L3MBTL4: variants seen among roughly 807,000 people sequenced by gnomAD.
L3MBTL4 encodes L3MBTL histone methyl-lysine binding protein 4.
L3MBTL4 carries 70 observed loss-of-function variants against 84.5 expected under a neutral mutation model. The ratio of observed to expected loss-of-function variants is 0.83; its 90% CI spans 0.68 to 1.01. The LOEUF (loss-of-function observed/expected upper bound fraction) is 1.01. Ranked by LOEUF, L3MBTL4 falls within the 50% of genes least tolerant of loss-of-function variation. The probability of loss-of-function intolerance (pLI) is 0.00; values close to 1 mark genes in which losing one functional copy is unlikely to be tolerated. For synonymous variants in L3MBTL4, 274 were observed against 259.8 expected (o/e 1.05, Z -0.52); for missense variants, 715 against 754.8 (o/e 0.95, Z 0.62).
intron 16 of L3MBTL4, among the ~76,000 whole-genome samples, chr18:6,004,428 T>C (rs1400922684): frequency 6.6e-6 from 1 of 152,216 alleles, no homozygotes; most frequent in Non-Finnish European, 1.5e-5. Flanking sequence ...ACTGCTTCAC[T>C]GGTGAATTTT....
At chr18:6,209,726 A>T (rs1353736774) in intron 12 of L3MBTL4, among the ~76,000 whole-genome samples, 1 of 152,236 alleles carries the variant, frequency 6.6e-6, no homozygotes, top group Non-Finnish European at 1.5e-5. Flanking sequence ...AAAATAGCCC[A>T]AAATAAACAA....
Position 6,322,905 on chromosome 18 carries a change from G to C in L3MBTL4, c.-90-10849C>G, listed in dbSNP as rs140507921. Among the ~76,000 whole-genome samples, 606 of 152,296 alleles carry C rather than the reference G, an allele frequency of 4.0e-3. 8 individuals are homozygous for C. Among genetic ancestry groups the C allele is most frequent in the African/African-American group, 0.013 (559 of 41,570 alleles). ...ATCTCATGTTGAATTGTAATCCTCA[G>C]TGTTGGAGGTGGGGCCTTGTGGGAG... is the stretch of plus-strand genomic sequence containing the variant. On this transcript the variant is annotated intron_variant, in intron 1 of 18. Transcript: ENST00000317931.
chr18:6,169,060 C>CA lies in L3MBTL4; in HGVS notation c.1096+2767dup, dbSNP rs200244619. Among the ~76,000 whole-genome samples the CA allele has an allele frequency of 3.3e-4, 50 of 152,130 alleles. 1 individual carries two copies. The East Asian group carries it at 9.5e-3, about 29-fold the overall frequency. On this transcript the variant is annotated intron_variant, in intron 13 of 18. Coordinates refer to ENST00000317931, the MANE Select transcript of L3MBTL4 (RefSeq NM_001330559.2). The stretch of plus-strand genomic sequence containing the variant: ...TCTCAAAAGAAGACATTTATGCAGC[C>CA]AAAAAACACATGAAAAACTGCTTAT...
At chr18:6,229,079 G>A (rs1307295621) in intron 10 of L3MBTL4, among the ~76,000 whole-genome samples, 1 of 152,110 alleles carries the variant, frequency 6.6e-6, no homozygotes, top group Non-Finnish European at 1.5e-5. Context: ...TATAATAGAT[G>A]CACTAAATAT....
At chr18:6,133,577 G>A (rs1388317188) in intron 14 of L3MBTL4, among the ~76,000 whole-genome samples, 1 of 152,024 alleles carries the variant, frequency 6.6e-6, no homozygotes, top group African/African-American at 2.4e-5. Flanking sequence ...TGTTACAGCA[G>A]GTATAAGACA....
intron 1 of L3MBTL4, among the ~76,000 whole-genome samples, chr18:6,321,598 A>G (rs1389392349): frequency 6.6e-6 from 1 of 152,184 alleles, no homozygotes; most frequent in Non-Finnish European, 1.5e-5. Context: ...AAAGACATAT[A>G]CATTGTTTAT....
chr18:6,078,442 A>G (rs1204760681), intron 16 of L3MBTL4, among the ~76,000 whole-genome samples: 1 of 151,008 alleles, frequency 6.6e-6, no homozygotes, highest in African/African-American at 2.4e-5. Context: ...AAAAAAACAA[A>G]AAAAAAAAAA....
chr18:6,325,065 A>C (rs1259907718), intron 1 of L3MBTL4, among the ~76,000 whole-genome samples: 1 of 152,176 alleles, frequency 6.6e-6, no homozygotes, highest in Non-Finnish European at 1.5e-5. Flanking sequence ...GAAGAAGATT[A>C]AATGTTGCAA....
chr18:6,222,761 C>T (rs1293440374), intron 10 of L3MBTL4, among the ~76,000 whole-genome samples: 2 of 151,956 alleles, frequency 1.3e-5, no homozygotes, highest in African/African-American at 2.4e-5. Context: ...CAATTCATAT[C>T]GTTCAATTCA....
At chr18:6,086,111 C>T (rs1246551408) in intron 15 of L3MBTL4, among the ~76,000 whole-genome samples, 1 of 152,136 alleles carries the variant, frequency 6.6e-6, no homozygotes, top group Non-Finnish European at 1.5e-5. Flanking sequence ...GCAAGTACTG[C>T]TGTAATAATG....
At chr18:6,411,549 G>C (rs1331786258) in intron 1 of L3MBTL4, among the ~76,000 whole-genome samples, 1 of 152,106 alleles carries the variant, frequency 6.6e-6, no homozygotes, top group Non-Finnish European at 1.5e-5. Flanking sequence ...TAACCACGCT[G>C]TTCCCTCCCT....
chr18:5,954,994 C>T lies in L3MBTL4; in HGVS notation c.*1226G>A, dbSNP rs562336991. ...CCAAGCAGAATCAACTTTCTTAAAC[C>T]TTAACATTCTTAATGAAGCAAGTGG... On this transcript the variant is annotated 3_prime_UTR_variant, in exon 19 of 19. Transcript: ENST00000317931. 6.6e-6 allele frequency: 1 copy of T among 152,216 alleles called. No homozygotes were observed. The highest frequency in any genetic ancestry group is 1.9e-4 in the East Asian group (1 of 5,178). The allele number at this position is 152,216 out of a possible 1,614,324, so 9.4% of individuals were successfully genotyped here. A position where few individuals can be genotyped will look rare whatever the true frequency, so the allele number is the denominator to read the frequency against.
chr18:6,099,273 T>C (rs2058735285), intron 14 of L3MBTL4, among the ~76,000 whole-genome samples: 1 of 148,622 alleles, frequency 6.7e-6, no homozygotes, highest in African/African-American at 2.6e-5. Flanking sequence ...TAAGTGAATA[T>C]CTTTTATTCT....
chr18:6,115,719 A>G (rs1216740845), intron 14 of L3MBTL4, among the ~76,000 whole-genome samples: 1 of 152,224 alleles, frequency 6.6e-6, no homozygotes, highest in East Asian at 1.9e-4. Flanking sequence ...TAAGCATGGC[A>G]TGAAGTAATC....
At chr18:6,110,007 T>C (rs1027233737) in intron 14 of L3MBTL4, among the ~76,000 whole-genome samples, 10 of 152,032 alleles carry the variant, frequency 6.6e-5, no homozygotes, top group Non-Finnish European at 1.3e-4. Flanking sequence ...GAGGAGTGGA[T>C]GGCATCAGTC....
intron 4 of L3MBTL4, among the ~76,000 whole-genome samples, chr18:6,291,545 G>A (rs2049864890): frequency 6.6e-6 from 1 of 152,082 alleles, no homozygotes; most frequent in African/African-American, 2.4e-5. Context: ...ATAAATCCAT[G>A]CACTTATAGC....
chr18:6,393,994 G>A (rs193171), intron 1 of L3MBTL4, among the ~76,000 whole-genome samples: 8 of 151,848 alleles, frequency 5.3e-5, no homozygotes. Context: ...GCCCACACCC[G>A]CTGGCCTCAG....
chr18:6,273,902 T>G (rs991405049), intron 4 of L3MBTL4, among the ~76,000 whole-genome samples: 1 of 152,224 alleles, frequency 6.6e-6, no homozygotes, highest in Non-Finnish European at 1.5e-5. Context: ...ATTCATCCAG[T>G]GCAAAGTGTG....
intron 1 of L3MBTL4, among the ~76,000 whole-genome samples, chr18:6,390,118 A>T (rs1236568749): frequency 6.6e-6 from 1 of 152,186 alleles, no homozygotes. Context: ...CCACAGTGGA[A>T]TAAAACTAGA....
Sources: allele counts gnomAD v4.1 joint callset (sites outside exome capture counted in the v4.1 genomes callset), GRCh38; gene constraint gnomAD v4.1.1; transcripts MANE v1.5; gene names NCBI Gene and HGNC (gene_info 2026-07-23, HGNC 2026-07-21).